Variants in ELOVL5 observed in about 807,000 individuals in gnomAD.
The protein encoded by ELOVL5 is very long chain fatty acid elongase 5.
In ELOVL5, 8 loss-of-function variants were observed where a neutral mutation model predicts 38.6. The ratio of observed to expected loss-of-function variants is 0.21; its 90% confidence interval spans 0.12 to 0.37. ELOVL5 has a LOEUF of 0.37. ELOVL5 is among the 10% of genes least tolerant of loss of function. The probability of loss-of-function intolerance (pLI) is 1.00; values close to 1 mark genes in which losing one functional copy is unlikely to be tolerated. For missense variants in ELOVL5, 280 were observed against 367.8 expected (o/e 0.76, Z 1.95); for synonymous variants, 127 against 133.7 (o/e 0.95, Z 0.34).
chr6:53,298,808 C>T (rs925295447), intron 1 of ELOVL5, among the ~76,000 whole-genome samples: 4 of 146,934 alleles, frequency 2.7e-5, no homozygotes, highest in African/African-American at 5.1e-5. Context: ...TAAATGCCAT[C>T]AGTGAGCTCC....
At chr6:53,288,973 G>C (rs1766674192) in intron 3 of ELOVL5, among the ~76,000 whole-genome samples, 1 of 152,188 alleles carries the variant, frequency 6.6e-6, no homozygotes, top group South Asian at 2.1e-4. Flanking sequence ...GGTTGAGGCG[G>C]GAGATCAGTT....
chr6:53,325,721 G>A (rs539057822), intron 1 of ELOVL5, among the ~76,000 whole-genome samples: 8 of 152,174 alleles, frequency 5.3e-5, no homozygotes, highest in Non-Finnish European at 1.2e-4. Context: ...AAAGAAATAA[G>A]GAAATTGCTA....
intron 3 of ELOVL5, among the ~76,000 whole-genome samples, chr6:53,279,020 C>CCGCT (rs138050446): frequency 0.012 from 1,865 of 152,324 alleles, 47 homozygotes; most frequent in African/African-American, 0.043. Context: ...CCTTCCTTAA[C>CCGCT]CGCTACACAG....
At chr6:53,348,119 C>A (rs1372134372) in intron 1 of ELOVL5, among the ~76,000 whole-genome samples, 2 of 151,958 alleles carry the variant, frequency 1.3e-5, no homozygotes, top group East Asian at 3.9e-4. Flanking sequence ...CGAGTCCCCG[C>A]CCTCTCGCTT....
chr6:53,331,658 G>C (rs1476145496), intron 1 of ELOVL5, among the ~76,000 whole-genome samples: 1 of 152,142 alleles, frequency 6.6e-6, no homozygotes, highest in Non-Finnish European at 1.5e-5. Flanking sequence ...TTGTCCTTTA[G>C]CAGTTAAATG....
intron 1 of ELOVL5, among the ~76,000 whole-genome samples, chr6:53,342,738 A>T (rs993603324): frequency 6.6e-6 from 1 of 152,244 alleles, no homozygotes; most frequent in African/African-American, 2.4e-5. Context: ...CCTAAATCCC[A>T]GTCAGCCAGC....
chr6:53,302,052 T>C (rs1228383635), intron 1 of ELOVL5, among the ~76,000 whole-genome samples: 1 of 152,082 alleles, frequency 6.6e-6, no homozygotes, highest in Non-Finnish European at 1.5e-5. Flanking sequence ...CTATACTAAG[T>C]GTTGTAGAAT....
At chr6:53,279,828 T>C (rs1301474604) in intron 3 of ELOVL5, among the ~76,000 whole-genome samples, 5 of 152,294 alleles carry the variant, frequency 3.3e-5, no homozygotes, top group Non-Finnish European at 5.9e-5. Flanking sequence ...ACCAAGGACC[T>C]GAGTTGAAGC....
intron 1 of ELOVL5, among the ~76,000 whole-genome samples, chr6:53,316,948 G>A (rs1029614811): frequency 6.6e-6 from 1 of 152,156 alleles, no homozygotes; most frequent in African/African-American, 2.4e-5. Context: ...AATTAGTGGA[G>A]TGCAAGTTAG....
rs543562829 is a variant in ELOVL5 at position 53,289,591 on chromosome 6, A to G, written c.246+2185T>C. ...AAAAATTAGACAGGAGTGGTGGCAC[A>G]TGCCTGTAGTTCCAGCTACTAGGGA... is the stretch of plus-strand genomic sequence containing the variant. On this transcript the variant is annotated intron_variant, in intron 3 of 7. Coordinates refer to ENST00000304434, the MANE Select transcript of ELOVL5 (RefSeq NM_021814.5). Among the ~76,000 whole-genome samples, 4 of 152,264 alleles carry G rather than the reference A, an allele frequency of 2.6e-5. No individual in the cohort carries two copies. In the South Asian group the frequency reaches 6.2e-4, roughly 24 times the overall value.
chr6:53,341,528 C>T (rs987164689), intron 1 of ELOVL5, among the ~76,000 whole-genome samples: 2 of 152,196 alleles, frequency 1.3e-5, no homozygotes, highest in African/African-American at 4.8e-5. Context: ...TTAGTTTCCT[C>T]ATCTGTAAAA....
At chr6:53,332,535 T>C (rs187301942) in intron 1 of ELOVL5, among the ~76,000 whole-genome samples, 1 of 152,130 alleles carries the variant, frequency 6.6e-6, no homozygotes, top group Admixed American at 6.5e-5. Flanking sequence ...TGAAGTGTTA[T>C]ACATACAAAC....
intron 3 of ELOVL5, among the ~76,000 whole-genome samples, chr6:53,283,669 AG>A (rs1192444807): frequency 6.6e-6 from 1 of 152,246 alleles, no homozygotes; most frequent in Non-Finnish European, 1.5e-5. Flanking sequence ...AAACAAATGA[AG>A]GAAGTAGGAG....
At chr6:53,305,828 C>T (rs1375073418) in intron 1 of ELOVL5, among the ~76,000 whole-genome samples, 2 of 152,178 alleles carry the variant, frequency 1.3e-5, no homozygotes, top group Non-Finnish European at 2.9e-5. Context: ...CTGCAATCTC[C>T]GCACTTTGTG....
intron 1 of ELOVL5, among the ~76,000 whole-genome samples, chr6:53,336,159 C>A (rs1040143896): frequency 1.5e-4 from 23 of 152,226 alleles, no homozygotes; most frequent in African/African-American, 4.8e-4. Flanking sequence ...ATAATTCCTA[C>A]TGAGTCTTTT....
chr6:53,337,596 T>C (rs755726148), intron 1 of ELOVL5, among the ~76,000 whole-genome samples: 10 of 152,164 alleles, frequency 6.6e-5, no homozygotes, highest in Non-Finnish European at 1.3e-4. Flanking sequence ...GCACATATTA[T>C]AGGACTGGTT....
At chr6:53,271,961 T>A (rs770964490) in intron 6 of ELOVL5, among the ~76,000 whole-genome samples, 1 of 152,226 alleles carries the variant, frequency 6.6e-6, no homozygotes, top group African/African-American at 2.4e-5. Context: ...AATTTCTGCA[T>A]CATTTCTCCT....
rs543903658 is a variant in ELOVL5, at chr6:53,305,197, G to A, written c.-8-9490C>T. Among the ~76,000 whole-genome samples, 612 of 147,098 alleles carry A rather than the reference G, an allele frequency of 4.2e-3. 10 individuals are homozygous for A. Among genetic ancestry groups the A allele is most frequent in the African/African-American group, 0.015 (590 of 39,634 alleles). On this transcript the variant is annotated intron_variant, in intron 1 of 7. Transcript: ENST00000304434. Reference sequence around the variant, plus strand: ...TCCCGGACGGGGCGGCTGGCTGGGCGCGGGGCTGACCCCCCACCTCCCTCC... The same window carrying A: ...TCCCGGACGGGGCGGCTGGCTGGGCACGGGGCTGACCCCCCACCTCCCTCC...
Position 53,270,652 on chromosome 6 carries a change from ACAAC to A in ELOVL5, c.693_696del (p.Trp231CysfsTer8), listed in dbSNP as rs748684094. The A allele has an allele frequency of 6.2e-7, 1 of 1,614,194 alleles. No individual in the cohort carries two copies. The highest frequency in any genetic ancestry group is 8.5e-7 in the Non-Finnish European group (1 of 1,180,010). ...GAAATCATGTATCCAATCTGGAAAT[ACAAC>A]CAACCAAGAGGGAATGTGCACGGCC... On this transcript the variant is annotated frameshift_variant, in exon 7 of 8. Transcript: ENST00000304434. LOFTEE classifies it high-confidence loss of function.
Sources: allele counts gnomAD v4.1 joint callset (sites outside exome capture counted in the v4.1 genomes callset), GRCh38; gene constraint gnomAD v4.1.1; transcripts MANE v1.5; gene names NCBI Gene and HGNC (gene_info 2026-07-23, HGNC 2026-07-21).